IL1RAPL1: variants seen among roughly 807,000 people sequenced by gnomAD.
The protein encoded by IL1RAPL1 is interleukin-1 receptor accessory protein-like 1.
IL1RAPL1 carries 3 observed loss-of-function variants against 48.4 expected under a neutral mutation model. That is an observed-to-expected ratio of 0.06 (90% confidence interval 0.03 to 0.16). The LOEUF (loss-of-function observed/expected upper bound fraction) is 0.16. IL1RAPL1 is among the 10% of genes least tolerant of loss of function. IL1RAPL1 has a pLI of 1.00. For missense variants in IL1RAPL1, 349 were observed against 530.6 expected, an observed-to-expected ratio of 0.66 and a Z score of 3.36; for synonymous variants, 185 against 187.7, an observed-to-expected ratio of 0.99 and a Z score of 0.12.
chrX:29,847,842 G>A (rs914341716), intron 6 of IL1RAPL1, among the ~76,000 whole-genome samples: 6 of 111,445 alleles, frequency 5.4e-5, no homozygotes, highest in Admixed American at 2.9e-4. Context: ...TTACTTCCCC[G>A]TGCTTTTTCA....
intron 1 of IL1RAPL1, among the ~76,000 whole-genome samples, chrX:28,664,415 A>C (rs1395283854): frequency 8.9e-6 from 1 of 112,089 alleles, no homozygotes; most frequent in Non-Finnish European, 1.9e-5. Context: ...ATAAGATTTT[A>C]TTTGGAGTTA....
At chrX:29,183,591 C>A (rs752432350) in intron 2 of IL1RAPL1, among the ~76,000 whole-genome samples, 30 of 112,355 alleles carry the variant, frequency 2.7e-4, no homozygotes, top group African/African-American at 9.4e-4. Flanking sequence ...ATCCCCAGTA[C>A]AGATGAGATT....
At chrX:28,702,428 GATTGGAAGAACTATA>G (rs1322043014) in intron 1 of IL1RAPL1, among the ~76,000 whole-genome samples, 1 of 111,900 alleles carries the variant, frequency 8.9e-6, no homozygotes, top group Non-Finnish European at 1.9e-5. Context: ...CAATTACACA[GATTGGAAGAACTATA>G]ATTGGCACTT....
At chrX:28,780,659 T>C (rs919393693) in intron 1 of IL1RAPL1, among the ~76,000 whole-genome samples, 6 of 110,574 alleles carry the variant, frequency 5.4e-5, no homozygotes, top group Non-Finnish European at 1.1e-4. Context: ...AATACATACA[T>C]ATTTTTGTAA....
At chrX:28,907,626 AT>A (rs1923253038) in intron 2 of IL1RAPL1, among the ~76,000 whole-genome samples, 1 of 112,454 alleles carries the variant, frequency 8.9e-6, no homozygotes, top group African/African-American at 3.2e-5. Context: ...GGTGTATGTA[AT>A]TTTTTATGCT....
intron 2 of IL1RAPL1, among the ~76,000 whole-genome samples, chrX:29,109,314 T>G (rs1928514100): frequency 9.9e-6 from 1 of 101,217 alleles, no homozygotes; most frequent in Non-Finnish European, 2.0e-5. Context: ...TTTTTTTTTG[T>G]AGAAAATAAA....
At chrX:29,400,719 G>T (rs1439250069) in intron 5 of IL1RAPL1, among the ~76,000 whole-genome samples, 1 of 111,491 alleles carries the variant, frequency 9.0e-6, no homozygotes, top group Non-Finnish European at 1.9e-5. Flanking sequence ...TTTCTTTTAA[G>T]GTATCTGGCT....
chrX:29,232,747 C>T (rs1454083610), intron 2 of IL1RAPL1, among the ~76,000 whole-genome samples: 3 of 111,802 alleles, frequency 2.7e-5, no homozygotes, highest in Admixed American at 1.9e-4. Flanking sequence ...CTTTTCCAGG[C>T]CCACATTTTA....
intron 5 of IL1RAPL1, among the ~76,000 whole-genome samples, chrX:29,570,532 C>T (rs901989366): frequency 8.0e-5 from 9 of 112,054 alleles, no homozygotes; most frequent in Non-Finnish European, 1.5e-4. Context: ...CAACAAAATA[C>T]CTTTTATTGT....
chrX:28,720,912 C>A (rs1935567082), intron 1 of IL1RAPL1, among the ~76,000 whole-genome samples: 1 of 111,633 alleles, frequency 9.0e-6, no homozygotes, highest in Admixed American at 9.5e-5. Flanking sequence ...CATCCATGTC[C>A]CTGCAAAGGA....
intron 2 of IL1RAPL1, among the ~76,000 whole-genome samples, chrX:29,150,651 C>T (rs1019356832): frequency 1.3e-4 from 14 of 110,072 alleles, no homozygotes; most frequent in South Asian, 3.9e-4. Context: ...AGGCTGGGCG[C>T]GGTGGCTCAC....
intron 5 of IL1RAPL1, among the ~76,000 whole-genome samples, chrX:29,555,871 C>T (rs183777078): frequency 8.9e-6 from 1 of 112,200 alleles, no homozygotes; most frequent in Admixed American, 9.4e-5. Context: ...ACAAAATTAA[C>T]TTGGCCATGC....
At chrX:28,902,288 C>T (rs1405926246) in intron 2 of IL1RAPL1, among the ~76,000 whole-genome samples, 1 of 111,252 alleles carries the variant, frequency 9.0e-6, no homozygotes, top group Non-Finnish European at 1.9e-5. Context: ...CTTCCTACCT[C>T]AGCCTCCCAA....
intron 6 of IL1RAPL1, among the ~76,000 whole-genome samples, chrX:29,856,026 TAAAGA>T (rs1931470771): frequency 9.0e-6 from 1 of 111,683 alleles, no homozygotes; most frequent in Non-Finnish European, 1.9e-5. Context: ...TATCCTCTAT[TAAAGA>T]AAAGTGCGTA....
intron 3 of IL1RAPL1, among the ~76,000 whole-genome samples, chrX:29,325,887 A>G (rs1932839327): frequency 9.0e-6 from 1 of 111,225 alleles, no homozygotes; most frequent in Non-Finnish European, 1.9e-5. Context: ...AATGAGGGAG[A>G]AAGAGTGGGG....
chrX:29,723,258 T>C (rs1259774000), intron 6 of IL1RAPL1, among the ~76,000 whole-genome samples: 2 of 112,206 alleles, frequency 1.8e-5, no homozygotes, highest in Non-Finnish European at 3.8e-5. Context: ...TTGTTTTGTT[T>C]TGTTTTTTGA....
At chrX:28,946,829 TTAA>T (rs1218501963) in intron 2 of IL1RAPL1, among the ~76,000 whole-genome samples, 1 of 111,871 alleles carries the variant, frequency 8.9e-6, no homozygotes, top group Non-Finnish European at 1.9e-5. Context: ...ATGACATCAC[TTAA>T]TAAAAAGCAC....
At chrX:29,864,986 T>G (rs1332873989) in intron 6 of IL1RAPL1, among the ~76,000 whole-genome samples, 1 of 112,224 alleles carries the variant, frequency 8.9e-6, no homozygotes. Flanking sequence ...TGAGATTGCC[T>G]GAAGTCAGAT....
intron 5 of IL1RAPL1, among the ~76,000 whole-genome samples, chrX:29,493,738 A>G (rs1226350340): frequency 9.0e-6 from 1 of 111,317 alleles, no homozygotes; most frequent in Non-Finnish European, 1.9e-5. Context: ...GGTATATTGC[A>G]TAATGCTGAG....
Sources: allele counts gnomAD v4.1 joint callset (sites outside exome capture counted in the v4.1 genomes callset), GRCh38; gene constraint gnomAD v4.1.1; transcripts MANE v1.5; gene names NCBI Gene and HGNC (gene_info 2026-07-23, HGNC 2026-07-21).